SORCS1: variants seen among roughly 807,000 people sequenced by gnomAD.
SORCS1 encodes sortilin related VPS10 domain containing receptor 1, also known as VPS10 domain-containing receptor SorCS1.
A neutral mutation model predicts 146.1 loss-of-function variants in SORCS1; 60 were observed. The observed-to-expected ratio is 0.41, with a 90% CI of 0.33 to 0.51. The LOEUF is 0.51. Ranked by LOEUF, SORCS1 falls within the 20% of genes least tolerant of loss-of-function variation. The pLI, the probability that SORCS1 is intolerant of heterozygous loss-of-function variation, is 0.21. For synonymous variants in SORCS1, 637 were observed against 584.0 expected (o/e 1.09, Z -1.31); for missense variants, 1,352 against 1,487.6 (o/e 0.91, Z 1.50).
At chr10:106,938,438 G>A (rs1953864092) in intron 2 of SORCS1, among the ~76,000 whole-genome samples, 1 of 152,188 alleles carries the variant, frequency 6.6e-6, no homozygotes. Flanking sequence ...CCCAAGAGCA[G>A]AAGTGGCAAA....
intron 3 of SORCS1, among the ~76,000 whole-genome samples, chr10:106,819,107 T>A (rs1350939019): frequency 1.3e-5 from 2 of 152,240 alleles, no homozygotes; most frequent in Non-Finnish European, 2.9e-5. Flanking sequence ...CCATATAATT[T>A]GGAACAGTTA....
intron 3 of SORCS1, among the ~76,000 whole-genome samples, chr10:106,818,161 A>T (rs979902141): frequency 1.3e-5 from 2 of 152,172 alleles, no homozygotes; most frequent in African/African-American, 4.8e-5. Context: ...CCTAAATTTC[A>T]TCAATAGTTC....
intron 2 of SORCS1, among the ~76,000 whole-genome samples, chr10:106,947,025 A>G (rs990532899): frequency 6.6e-6 from 1 of 152,236 alleles, no homozygotes; most frequent in African/African-American, 2.4e-5. Context: ...CCACAGTGCC[A>G]CAGTCCAATA....
chr10:107,025,482 AT>A (rs1485927063), intron 1 of SORCS1, among the ~76,000 whole-genome samples: 1 of 152,188 alleles, frequency 6.6e-6, no homozygotes, highest in Non-Finnish European at 1.5e-5. Flanking sequence ...CCTGGAAGCT[AT>A]TTAGAGGGTT....
intron 4 of SORCS1, among the ~76,000 whole-genome samples, chr10:106,769,442 G>A (rs1179981147): frequency 2.1e-5 from 3 of 144,692 alleles, no homozygotes; most frequent in Non-Finnish European, 3.0e-5. Flanking sequence ...CTGAGATCGC[G>A]CCATTGCACT....
intron 1 of SORCS1, among the ~76,000 whole-genome samples, chr10:107,067,432 G>T (rs564461133): frequency 6.6e-6 from 1 of 152,194 alleles, no homozygotes; most frequent in East Asian, 1.9e-4. Context: ...AAAACTGCAG[G>T]TAGCAACAGT....
At chr10:106,641,571 G>A (rs1265117752) in intron 18 of SORCS1, among the ~76,000 whole-genome samples, 3 of 152,114 alleles carry the variant, frequency 2.0e-5, no homozygotes, top group East Asian at 1.9e-4. Flanking sequence ...TTTTTCAAAT[G>A]TTAAGAGTCT....
At chr10:106,781,588 T>G (rs1406091003) in intron 3 of SORCS1, among the ~76,000 whole-genome samples, 1 of 152,214 alleles carries the variant, frequency 6.6e-6, no homozygotes, top group Non-Finnish European at 1.5e-5. Flanking sequence ...AACAGAAATA[T>G]TTCTCTCTAT....
At chr10:107,004,604 T>C (rs529971400) in intron 1 of SORCS1, among the ~76,000 whole-genome samples, 1 of 152,172 alleles carries the variant, frequency 6.6e-6, no homozygotes, top group South Asian at 2.1e-4. Flanking sequence ...CACCTTTGAC[T>C]TGTGGGGATT....
chr10:106,986,701 T>A (rs945054049), intron 1 of SORCS1, among the ~76,000 whole-genome samples: 4 of 152,300 alleles, frequency 2.6e-5, no homozygotes, highest in South Asian at 4.1e-4. Context: ...TCAGATTGGA[T>A]AATTTCTATT....
At chr10:106,945,517 T>G (rs903124982) in intron 2 of SORCS1, among the ~76,000 whole-genome samples, 1 of 152,224 alleles carries the variant, frequency 6.6e-6, no homozygotes, top group Non-Finnish European at 1.5e-5. Flanking sequence ...GGTGGTGATC[T>G]GTATCTCAAG....
intron 22 of SORCS1, among the ~76,000 whole-genome samples, chr10:106,608,816 T>C (rs892647193): frequency 6.6e-6 from 1 of 152,202 alleles, no homozygotes; most frequent in South Asian, 2.1e-4. Flanking sequence ...AAACTTGAGC[T>C]GCCATGTAGG....
In SORCS1 at chr10:106,734,663, G is replaced by A. The variant is rs1262442862; in HGVS notation, c.960-4549C>T. Among the ~76,000 whole-genome samples, 3 of 152,056 alleles carry A rather than the reference G, an allele frequency of 2.0e-5. No homozygotes were observed. The East Asian group carries it at 5.8e-4, about 29-fold the overall frequency. On this transcript the variant is annotated intron_variant, in intron 5 of 25. Transcript: ENST00000263054. ...TTTTGTTAAGTTAGTTAACATCTCT[G>A]TGCCGTCACTTTTTTAGTCTTTAAA...
chr10:106,722,287 A>G lies in SORCS1; in HGVS notation c.1024+7763T>C, dbSNP rs187676832. Among the ~76,000 whole-genome samples, 35 of 152,272 alleles carry G rather than the reference A, an allele frequency of 2.3e-4. 1 individual carries two copies. The East Asian group carries it at 6.2e-3, about 27-fold the overall frequency. On this transcript the variant is annotated intron_variant, in intron 6 of 25. Coordinates refer to ENST00000263054, the MANE Select transcript of SORCS1 (RefSeq NM_052918.5). ...TGTAGCTGAGATATTGAAGACTTTG[A>G]GAACTGAGATCTCTATTACCTCCCC...
intron 1 of SORCS1, among the ~76,000 whole-genome samples, chr10:107,077,732 T>C (rs1963005194): frequency 6.6e-6 from 1 of 151,924 alleles, no homozygotes; most frequent in Admixed American, 6.6e-5. Context: ...CAACACTGGA[T>C]CTCTCTGACT....
In SORCS1 at chr10:106,672,963, G is replaced by A. The variant is rs1353842064; in HGVS notation, c.1963C>T (p.Arg655Cys). 4 of 1,613,884 alleles carry A rather than the reference G, an allele frequency of 2.5e-6. No homozygotes were observed. The highest frequency in any genetic ancestry group is 2.2e-5 in the East Asian group (1 of 44,842). The change falls in exon 15 of 26, where the codon CGC (arginine) becomes TGC (cysteine). Residue 655 changes from arginine (R) to cysteine (C), a missense_variant. By Grantham distance (180) the Arg-to-Cys change is radical (BLOSUM62 -3). This residue lies in a region of SORCS1 where 648 missense variants were observed against 793.8 expected (regional missense o/e 0.82). Transcript: ENST00000263054. ...IMTVFGHFSH[R>C]SEWQLVKVDY... ...ACTTTGACCAGCTGCCATTCAGAGCGGTGGCTGAAGTGTCCAAACACTCTA... is the reference window on the plus strand; with the variant it reads ...ACTTTGACCAGCTGCCATTCAGAGCAGTGGCTGAAGTGTCCAAACACTCTA...
chr10:106,834,582 G>A (rs192337008), intron 2 of SORCS1, among the ~76,000 whole-genome samples: 5 of 152,044 alleles, frequency 3.3e-5, no homozygotes, highest in African/African-American at 9.6e-5. Flanking sequence ...TCTTAATTTC[G>A]TAAGAAAGAG....
chr10:106,734,186 G>A (rs1856795453), intron 5 of SORCS1, among the ~76,000 whole-genome samples: 1 of 152,172 alleles, frequency 6.6e-6, no homozygotes, highest in Admixed American at 6.5e-5. Flanking sequence ...CTGCCTTTAT[G>A]TTGAACTAGG....
At chr10:107,100,460 G>C (rs1401843954) in intron 1 of SORCS1, among the ~76,000 whole-genome samples, 1 of 151,594 alleles carries the variant, frequency 6.6e-6, no homozygotes, top group African/African-American at 2.4e-5. Flanking sequence ...CTTGCAGTGA[G>C]CCAAGATCTC....
Sources: gnomAD v4.1 joint callset for allele counts (sites outside exome capture counted in the v4.1 genomes callset) on GRCh38, gnomAD v4.1.1 for gene constraint, gnomAD v4.1.1 regional missense constraint, MANE v1.5 for transcripts, NCBI Gene and HGNC (gene_info 2026-07-23, HGNC 2026-07-21) for gene names.